The following NT5C3B variants were observed in gnomAD, a reference collection of about 807,000 sequenced individuals.
NT5C3B encodes 7-methylguanosine phosphate-specific 5'-nucleotidase.
A neutral mutation model predicts 32.5 loss-of-function variants in NT5C3B; 28 were observed. The ratio of observed to expected loss-of-function variants is 0.86; its 90% CI spans 0.64 to 1.18. The LOEUF is 1.18. NT5C3B is among the 50% of genes most tolerant of loss of function. The pLI is 0.00. For missense variants in NT5C3B, 317 were observed against 322.0 expected (o/e 0.98, Z 0.12); for synonymous variants, 138 against 118.0 (o/e 1.17, Z -1.10).
rs532798148 is a variant in NT5C3B, at chr17:41,832,424, G to A, written c.282C>T (p.Thr94=). The change falls in exon 5 of 9, where the codon ACC becomes ACT. Residue 94 remains threonine (T), a synonymous_variant. Coordinates refer to ENST00000435506, the MANE Select transcript of NT5C3B (RefSeq NM_052935.5). ...CCATATGAGGTAGCTTCTCCTTGAC[G>A]GTCCGGTGTGGGTCGATCTCAATTG... ...YYPIEIDPHR[T]VKEKLPHMVE... is the part of the protein sequence containing the mutation. 6.4e-5 allele frequency: 103 copies of A among 1,613,764 alleles called. No individual in the cohort carries two copies. Among genetic ancestry groups the A allele is most frequent in the Non-Finnish European group, 7.8e-5 (92 of 1,179,794 alleles).
intron 5 of NT5C3B, among the ~76,000 whole-genome samples, chr17:41,831,316 T>C: frequency 2.7e-5 from 1 of 36,554 alleles, no homozygotes; most frequent in Non-Finnish European, 5.3e-5. Context: ...TGAGACTCCA[T>C]CTCAAAAAAA....
chr17:41,830,119 C>T (rs983794803), intron 6 of NT5C3B, among the ~76,000 whole-genome samples: 3 of 152,128 alleles, frequency 2.0e-5, no homozygotes. Flanking sequence ...CAGTGAAGGC[C>T]GCCAACGATC....
intron 5 of NT5C3B, among the ~76,000 whole-genome samples, chr17:41,832,075 T>C (rs1041900318): frequency 1.7e-4 from 26 of 151,872 alleles, no homozygotes; most frequent in African/African-American, 6.3e-4. Context: ...AAAAAATATA[T>C]AATTCACCTA....
chr17:41,833,614 C>T (rs1306428912), intron 4 of NT5C3B, among the ~76,000 whole-genome samples: 2 of 152,106 alleles, frequency 1.3e-5, no homozygotes, highest in Non-Finnish European at 2.9e-5. Flanking sequence ...CCACCACACC[C>T]GGCCTGTTTC....
intron 6 of NT5C3B, among the ~76,000 whole-genome samples, chr17:41,829,422 C>G (rs1469009550): frequency 6.6e-6 from 1 of 152,208 alleles, no homozygotes; most frequent in Non-Finnish European, 1.5e-5. Flanking sequence ...GTGTGCTAAT[C>G]CTAAGTGCTC....
At chr17:41,826,816 C>T (rs773929279) in intron 8 of NT5C3B, among the ~76,000 whole-genome samples, 5 of 151,868 alleles carry the variant, frequency 3.3e-5, no homozygotes, top group African/African-American at 7.2e-5. Flanking sequence ...GCGTGACCAA[C>T]GTGGAGAAAC....
At chr17:41,835,431 G>T (rs1242482969) in intron 2 of NT5C3B, 159 bp from the exon 3 acceptor site, 5 of 671,870 alleles carry the variant, frequency 7.4e-6, no homozygotes, top group East Asian at 5.4e-5. Flanking sequence ...GGATAGAGGG[G>T]AAGTGATCCT....
At chr17:41,833,768 A>G (rs1481213120) in intron 4 of NT5C3B, among the ~76,000 whole-genome samples, 5 of 152,230 alleles carry the variant, frequency 3.3e-5, no homozygotes, top group African/African-American at 9.6e-5. Flanking sequence ...AATTCCGTCA[A>G]AAGTGTCAAT....
At chr17:41,831,640 CTT>C (rs376389402) in intron 5 of NT5C3B, among the ~76,000 whole-genome samples, 8 of 152,346 alleles carry the variant, frequency 5.3e-5, no homozygotes, top group African/African-American at 1.9e-4. Context: ...CCCCTACTCT[CTT>C]TGCCCTTCCA....
chr17:41,831,441 G>A (rs1555619061), intron 5 of NT5C3B, among the ~76,000 whole-genome samples: 1 of 152,100 alleles, frequency 6.6e-6, no homozygotes. Flanking sequence ...CCCTCTATCT[G>A]GAGAACTGGG....
chr17:41,826,170 A>C (rs1318776818), intron 8 of NT5C3B, among the ~76,000 whole-genome samples: 4 of 151,176 alleles, frequency 2.6e-5, no homozygotes, highest in African/African-American at 7.3e-5. Context: ...AAAAAAAAAA[A>C]AAAAAAAAAA....
chr17:41,832,696 T>C (rs1366391913), intron 4 of NT5C3B: 3 of 358,324 alleles, frequency 8.4e-6, no homozygotes, highest in Non-Finnish European at 1.6e-5. Flanking sequence ...GGCGAAACCC[T>C]GTCTCTACTA....
rs1269665617 is a variant in NT5C3B, at chr17:41,825,096, CTG to C, written c.*425_*426del. ...AGGCCAATTTGTGGTGGTTCTCAAA[CTG>C]TGTTCCTAGAAGCATCCCATGTGCC... is the stretch of plus-strand genomic sequence containing the variant. On this transcript the variant is annotated 3_prime_UTR_variant, in exon 9 of 9. Transcript: ENST00000435506. The C allele has an allele frequency of 6.3e-6, 1 of 158,652 alleles. No individual in the cohort carries two copies. 9.8% of individuals were successfully genotyped at this position (158,652 alleles called of 1,614,324 possible).
chr17:41,825,984 C>A (rs1408497089), intron 8 of NT5C3B, among the ~76,000 whole-genome samples: 3 of 152,030 alleles, frequency 2.0e-5, no homozygotes, highest in Admixed American at 6.6e-5. Flanking sequence ...GGCAACATGG[C>A]AAAAGCCCAT....
intron 4 of NT5C3B, 114 bp from the exon 5 acceptor site, chr17:41,832,591 G>C (rs2048070750): frequency 2.7e-6 from 2 of 749,298 alleles, no homozygotes; most frequent in Non-Finnish European, 4.5e-6. Flanking sequence ...TTCATGGCCA[G>C]GGGCGGTGGC....
At chr17:41,829,939 C>T (rs1367711294) in intron 6 of NT5C3B, among the ~76,000 whole-genome samples, 3 of 152,134 alleles carry the variant, frequency 2.0e-5, no homozygotes, top group Admixed American at 1.3e-4. Context: ...TACAAACACT[C>T]CCACCCCGGC....
chr17:41,831,822 G>A (rs567654702), intron 5 of NT5C3B, among the ~76,000 whole-genome samples: 4 of 152,306 alleles, frequency 2.6e-5, no homozygotes, highest in South Asian at 2.1e-4. Context: ...TTGGGAGGCC[G>A]AAGTGGGAGG....
At chr17:41,828,477 C>T (rs1372427156) in intron 7 of NT5C3B, 4 of 210,006 alleles carry the variant, frequency 1.9e-5, no homozygotes, top group Middle Eastern at 1.8e-3. Context: ...GCTGGGATTA[C>T]AGCCACACAC....
intron 4 of NT5C3B, 93 bp downstream of exon 4, chr17:41,834,976 TA>T: frequency 8.0e-7 from 1 of 1,243,668 alleles, no homozygotes; most frequent in Non-Finnish European, 1.2e-6. Context: ...ATTAATTTTC[TA>T]AGGTCTCTAT....
Sources: gnomAD v4.1 joint callset for allele counts (sites outside exome capture counted in the v4.1 genomes callset) on GRCh38, gnomAD v4.1.1 for gene constraint, MANE v1.5 for transcripts, NCBI Gene and HGNC (gene_info 2026-07-23, HGNC 2026-07-21) for gene names.